The following CCP110 variants were observed in gnomAD, a reference collection of about 807,000 sequenced individuals.
The protein encoded by CCP110 is centriolar coiled-coil protein 110.
In CCP110, 43 loss-of-function variants were observed where a neutral mutation model predicts 105.5. That is an observed-to-expected ratio of 0.41 (90% CI 0.32 to 0.53). The LOEUF is 0.53. CCP110 is among the 20% of genes least tolerant of loss of function. The pLI, the probability that CCP110 is intolerant of heterozygous loss-of-function variation, is 0.32. For synonymous variants in CCP110, 353 were observed against 392.1 expected, an observed-to-expected ratio of 0.90 and a Z score of 1.18; for missense variants, 1,016 against 1,189.1, an observed-to-expected ratio of 0.85 and a Z score of 2.14.
intron 1 of CCP110, 55 bp from the exon 2 acceptor site, chr16:19,527,812 T>C (rs1265427298): frequency 6.9e-7 from 1 of 1,451,470 alleles, no homozygotes; most frequent in Non-Finnish European, 9.4e-7. Flanking sequence ...ATCTGCCAAA[T>C]AATTAAGATC....
chr16:19,531,277 T>A (rs540707027), intron 2 of CCP110, among the ~76,000 whole-genome samples: 225 of 152,364 alleles, frequency 1.5e-3, no homozygotes, highest in African/African-American at 5.3e-3. Flanking sequence ...ATGTGATGTT[T>A]ATGGACCTAA....
At chr16:19,531,909 T>C (rs1385431277) in intron 2 of CCP110, among the ~76,000 whole-genome samples, 1 of 147,622 alleles carries the variant, frequency 6.8e-6, no homozygotes, top group East Asian at 2.0e-4. Flanking sequence ...GAGGTTGCAG[T>C]GAGCCGAGAT....
At chr16:19,551,241 C>G in exon 15 of CCP110, 1 of 1,611,660 alleles carries the variant, frequency 6.2e-7, no homozygotes, top group South Asian at 1.1e-5. Context: ...AATGTTGCGA[C>G]AATTTAAGAA....
chr16:19,527,811 A>G, intron 1 of CCP110, 56 bp from the exon 2 acceptor site: 1 of 1,449,832 alleles, frequency 6.9e-7, no homozygotes, highest in South Asian at 1.3e-5. Context: ...AATCTGCCAA[A>G]TAATTAAGAT....
chr16:19,533,839 G>C (rs886436986), intron 3 of CCP110, among the ~76,000 whole-genome samples: 8 of 152,160 alleles, frequency 5.3e-5, no homozygotes, highest in Non-Finnish European at 1.0e-4. Flanking sequence ...CTTCTATTTT[G>C]CAGCTATCTG....
At chr16:19,547,149 G>C (rs916146320) in intron 12 of CCP110, 1 of 152,264 alleles carries the variant, frequency 6.6e-6, no homozygotes, top group East Asian at 1.9e-4. Flanking sequence ...GCTCATGCTT[G>C]TTATCCTAGC....
chr16:19,539,550 C>T (rs892510028), intron 4 of CCP110, among the ~76,000 whole-genome samples: 2 of 151,814 alleles, frequency 1.3e-5, no homozygotes, highest in Non-Finnish European at 2.9e-5. Context: ...GACAGGGTTT[C>T]ACCATGTTGG....
rs183290887 is a variant in CCP110, at chr16:19,530,882, A to G, written c.142-1534A>G. ...GGCAGGAGAATCGCTTGAACCCAGGAGGGATCGGGATCGCACCACTGTACT... is the reference window on the plus strand; with the variant it reads ...GGCAGGAGAATCGCTTGAACCCAGGGGGGATCGGGATCGCACCACTGTACT... On this transcript the variant is annotated intron_variant, in intron 2 of 14. Transcript: ENST00000381396. Among the ~76,000 whole-genome samples, 3 of 152,224 alleles carry G rather than the reference A, an allele frequency of 2.0e-5. No homozygotes were observed. In the East Asian group the frequency reaches 5.8e-4, roughly 29 times the overall value.
intron 2 of CCP110, among the ~76,000 whole-genome samples, chr16:19,529,255 C>T (rs1205353527): frequency 6.6e-6 from 1 of 152,136 alleles, no homozygotes; most frequent in Non-Finnish European, 1.5e-5. Context: ...ATCATACACC[C>T]TTTGATACTA....
exon 4 of CCP110, chr16:19,535,960 C>T: frequency 6.3e-7 from 1 of 1,589,080 alleles, no homozygotes. Context: ...CACCTAATGC[C>T]AGTGATTTTG....
At chr16:19,526,754 G>T (rs1174869389) in intron 1 of CCP110, 1 of 151,100 alleles carries the variant, frequency 6.6e-6, no homozygotes, top group Non-Finnish European at 1.5e-5. Flanking sequence ...TAAGTACTTT[G>T]AGGCCTACCG....
chr16:19,541,084 G>A (rs4782253), intron 5 of CCP110, among the ~76,000 whole-genome samples: 55,734 of 151,832 alleles, frequency 0.37, 11,752 homozygotes, highest in East Asian at 0.56. Flanking sequence ...TGCAGGAGTT[G>A]TATCATAAAA....
exon 8 of CCP110, chr16:19,542,897 A>G: frequency 6.2e-7 from 1 of 1,611,420 alleles, no homozygotes; most frequent in Non-Finnish European, 8.5e-7. Flanking sequence ...CTGGAAATAC[A>G]AGCAAAATTT....
chr16:19,541,807 T>A, intron 5 of CCP110, 80 bp from the exon 6 acceptor site: 2 of 717,770 alleles, frequency 2.8e-6, no homozygotes, highest in Non-Finnish European at 4.3e-6. Flanking sequence ...TTACATGTAC[T>A]TTTGGCTAAG....
At chr16:19,540,090 G>C (rs573175611) in intron 4 of CCP110, among the ~76,000 whole-genome samples, 1 of 152,204 alleles carries the variant, frequency 6.6e-6, no homozygotes, top group Non-Finnish European at 1.5e-5. Flanking sequence ...GCCCATACTT[G>C]GTATTTGTAC....
intron 14 of CCP110, among the ~76,000 whole-genome samples, chr16:19,549,866 T>A (rs2151485868): frequency 6.6e-6 from 1 of 152,354 alleles, no homozygotes; most frequent in Non-Finnish European, 1.5e-5. Context: ...CCACTATTTG[T>A]CACTTGTGAA....
chr16:19,543,032 C>T (rs1478122849), intron 8 of CCP110, 38 bp downstream of exon 8: 1 of 1,144,480 alleles, frequency 8.7e-7, no homozygotes, highest in Non-Finnish European at 1.3e-6. Context: ...TCACTTCTGT[C>T]TTAGTTTCTA....
chr16:19,542,060 T>C, exon 6 of CCP110: 1 of 1,560,748 alleles, frequency 6.4e-7, no homozygotes. Flanking sequence ...ATTCAAATAG[T>C]TCTGGTAAAT....
intron 8 of CCP110, 81 bp from the exon 9 acceptor site, chr16:19,544,716 C>T (rs1315418094): frequency 2.1e-5 from 16 of 753,310 alleles, no homozygotes; most frequent in Non-Finnish European, 1.9e-5. Context: ...TTTGGATTGA[C>T]TGAGAAAAAG....
Sources: gnomAD v4.1 joint callset for allele counts (sites outside exome capture counted in the v4.1 genomes callset) on GRCh38, gnomAD v4.1.1 for gene constraint, MANE v1.5 for transcripts, NCBI Gene and HGNC (gene_info 2026-07-23, HGNC 2026-07-21) for gene names.